The following SH3BGRL2 variants were observed in gnomAD, a reference collection of about 807,000 sequenced individuals.
SH3BGRL2 encodes SH3 domain binding glutamate rich protein like 2, also known as SH3 domain-binding glutamic acid-rich-like protein 2.
Under a neutral mutation model 14.8 loss-of-function variants are expected in SH3BGRL2, and 21 were observed. That is an observed-to-expected ratio of 1.42 (90% confidence interval 1.01 to 2.05). SH3BGRL2 has a LOEUF of 2.05. Among genes scored for constraint, SH3BGRL2 ranks in the 30% most tolerant of loss-of-function variants. The pLI, the probability that SH3BGRL2 is intolerant of heterozygous loss-of-function variation, is 0.00. For synonymous variants in SH3BGRL2, 50 were observed against 47.8 expected, an observed-to-expected ratio of 1.05 and a Z score of -0.19; for missense variants, 147 against 130.8, an observed-to-expected ratio of 1.12 and a Z score of -0.61.
chr6:79,647,004 C>T (rs1230789553), intron 1 of SH3BGRL2, among the ~76,000 whole-genome samples: 4 of 152,164 alleles, frequency 2.6e-5, no homozygotes, highest in Non-Finnish European at 5.9e-5. Context: ...TGAACGTTTG[C>T]GTATAAGTTT....
the SH3BGRL2 span, among the ~76,000 whole-genome samples, chr6:79,543,637 C>G: frequency 6.6e-6 from 1 of 152,122 alleles, no homozygotes; most frequent in Admixed American, 6.6e-5. Flanking sequence ...AACCCTTTCT[C>G]AAGTAAAATC....
intron 2 of SH3BGRL2, among the ~76,000 whole-genome samples, chr6:79,677,890 T>C: frequency 6.6e-6 from 1 of 152,182 alleles, no homozygotes; most frequent in East Asian, 1.9e-4. Context: ...GCCAACACTT[T>C]GGCTTTTATG....
the SH3BGRL2 span, among the ~76,000 whole-genome samples, chr6:79,544,049 A>G: frequency 6.6e-6 from 1 of 152,134 alleles, no homozygotes; most frequent in Non-Finnish European, 1.5e-5. Flanking sequence ...TCCTCTTTCA[A>G]ACTACCCTGC....
At chr6:79,566,647 A>G in the SH3BGRL2 span, among the ~76,000 whole-genome samples, 1 of 152,190 alleles carries the variant, frequency 6.6e-6, no homozygotes. Context: ...TTTCCATAAT[A>G]TCTAGAACAG....
At chr6:79,694,690 G>A (rs754085717) in intron 2 of SH3BGRL2, among the ~76,000 whole-genome samples, 33 of 151,632 alleles carry the variant, frequency 2.2e-4, no homozygotes, top group Non-Finnish European at 1.2e-4. Flanking sequence ...GTTTTTTCTC[G>A]TCTTTTTCAT....
At chr6:79,593,999 T>G in the SH3BGRL2 span, among the ~76,000 whole-genome samples, 1 of 144,652 alleles carries the variant, frequency 6.9e-6, no homozygotes, top group African/African-American at 2.6e-5. Flanking sequence ...CACTCCAGCC[T>G]GGATGACAAG....
upstream of SH3BGRL2, among the ~76,000 whole-genome samples, chr6:79,628,133 C>A (rs1397986173): frequency 6.6e-6 from 1 of 152,178 alleles, no homozygotes; most frequent in Non-Finnish European, 1.5e-5. Context: ...ATCATGACGG[C>A]CGTTTGATCC....
chr6:79,566,040 G>C, the SH3BGRL2 span, among the ~76,000 whole-genome samples: 2 of 152,188 alleles, frequency 1.3e-5, no homozygotes, highest in Admixed American at 6.5e-5. Flanking sequence ...TATTAACTGA[G>C]ATGAGTGGTA....
the SH3BGRL2 span, among the ~76,000 whole-genome samples, chr6:79,565,198 G>A: frequency 6.6e-6 from 1 of 152,206 alleles, no homozygotes; most frequent in East Asian, 1.9e-4. Flanking sequence ...CTGAATTTCA[G>A]TATTAATCTC....
chr6:79,555,419 C>T, the SH3BGRL2 span, among the ~76,000 whole-genome samples: 604 of 152,180 alleles, frequency 4.0e-3, 6 homozygotes, highest in African/African-American at 0.014. Context: ...TACTGCACTC[C>T]AGCCTAGGTG....
the SH3BGRL2 span, among the ~76,000 whole-genome samples, chr6:79,557,879 A>G: frequency 4.6e-5 from 7 of 152,170 alleles, no homozygotes; most frequent in African/African-American, 1.7e-4. Flanking sequence ...GGAGTTTGGA[A>G]CTAATCAGTC....
At chr6:79,649,985 T>TCTCTCTCTCACACACA (rs765159303) in intron 1 of SH3BGRL2, among the ~76,000 whole-genome samples, 6,422 of 141,900 alleles carry the variant, frequency 0.045, 203 homozygotes, top group Non-Finnish European at 0.066. Context: ...TCTCTCTCTC[T>TCTCTCTCTCACACACA]CACACACACA....
intron 1 of SH3BGRL2, among the ~76,000 whole-genome samples, chr6:79,651,845 C>G (rs1287903839): frequency 6.6e-6 from 1 of 152,124 alleles, no homozygotes; most frequent in Admixed American, 6.6e-5. Context: ...TTCTGGAGGG[C>G]AGTGGTTAGA....
At chr6:79,670,028 G>C (rs889649685) in intron 1 of SH3BGRL2, among the ~76,000 whole-genome samples, 1 of 152,220 alleles carries the variant, frequency 6.6e-6, no homozygotes, top group African/African-American at 2.4e-5. Flanking sequence ...CACAGTCTCT[G>C]TTGTAACTTC....
chr6:79,697,071 A>T (rs560134591), intron 3 of SH3BGRL2, among the ~76,000 whole-genome samples: 1 of 152,314 alleles, frequency 6.6e-6, no homozygotes, highest in Non-Finnish European at 1.5e-5. Flanking sequence ...TAAAGGAGCC[A>T]ATATTTTCTC....
the SH3BGRL2 span, among the ~76,000 whole-genome samples, chr6:79,614,377 G>A: frequency 3.3e-5 from 5 of 152,246 alleles, no homozygotes; most frequent in African/African-American, 4.8e-5. Context: ...TGGGGGACAC[G>A]AGAAGGAGAG....
chr6:79,639,538 C>A (rs1033535), intron 1 of SH3BGRL2, among the ~76,000 whole-genome samples: 1 of 152,008 alleles, frequency 6.6e-6, no homozygotes, highest in Non-Finnish European at 1.5e-5. Context: ...TGCAGTGAGC[C>A]GAGATTGCAC....
At chr6:79,546,922 C>T in the SH3BGRL2 span, among the ~76,000 whole-genome samples, 2,796 of 152,012 alleles carry the variant, frequency 0.018, 81 homozygotes, top group African/African-American at 0.062. Flanking sequence ...CCTCATGATC[C>T]GCCTGCCTCA....
chr6:79,578,712 T>G, the SH3BGRL2 span, among the ~76,000 whole-genome samples: 1 of 151,748 alleles, frequency 6.6e-6, no homozygotes, highest in Non-Finnish European at 1.5e-5. Flanking sequence ...GCAGAAAAGC[T>G]GAAAATTCTA....
Sources: allele counts gnomAD v4.1 joint callset (sites outside exome capture counted in the v4.1 genomes callset), GRCh38; gene constraint gnomAD v4.1.1; transcripts MANE v1.5; gene names NCBI Gene and HGNC (gene_info 2026-07-23, HGNC 2026-07-21).